The following ERC2 variants were observed in gnomAD, a reference collection of about 807,000 sequenced individuals.
ERC2 encodes the protein ELKS/RAB6-interacting/CAST family member 2.
A neutral mutation model predicts 114.8 loss-of-function variants in ERC2; 42 were observed. That is an observed-to-expected ratio of 0.37 (90% confidence interval 0.29 to 0.47). ERC2 has a LOEUF of 0.47. Among genes scored for constraint, ERC2 ranks in the 20% least tolerant of loss-of-function variants. ERC2 has a pLI of 0.99. For missense variants in ERC2, 939 were observed against 1,150.7 expected (o/e 0.82, Z 2.66); for synonymous variants, 454 against 425.5 (o/e 1.07, Z -0.82).
intron 3 of ERC2, among the ~76,000 whole-genome samples, chr3:56,203,579 G>C (rs1204016211): frequency 6.6e-6 from 1 of 152,130 alleles, no homozygotes; most frequent in Admixed American, 6.6e-5. Flanking sequence ...ATGAGGAAAA[G>C]GCACATTCTC....
chr3:56,133,515 A>C (rs376532767), intron 6 of ERC2, among the ~76,000 whole-genome samples: 11 of 152,342 alleles, frequency 7.2e-5, no homozygotes, highest in African/African-American at 2.6e-4. Flanking sequence ...CCCTCAGTCC[A>C]CTGGGACTCT....
chr3:56,232,262 C>G (rs1341734234), intron 3 of ERC2, among the ~76,000 whole-genome samples: 2 of 151,576 alleles, frequency 1.3e-5, no homozygotes, highest in African/African-American at 2.4e-5. Context: ...AGCCACCATG[C>G]CTGGCCTATA....
intron 2 of ERC2, among the ~76,000 whole-genome samples, chr3:56,310,611 CT>C (rs35255607): frequency 0.31 from 46,985 of 152,002 alleles, 7,423 homozygotes; most frequent in Admixed American, 0.33. Flanking sequence ...GTCCTTGCTA[CT>C]TTAAAGTTTT....
At chr3:56,334,369 T>C (rs2057761127) in intron 2 of ERC2, among the ~76,000 whole-genome samples, 1 of 152,224 alleles carries the variant, frequency 6.6e-6, no homozygotes, top group African/African-American at 2.4e-5. Flanking sequence ...AAGAGGTTTC[T>C]GAACCCTTGA....
intron 14 of ERC2, among the ~76,000 whole-genome samples, chr3:55,768,885 G>A (rs548597972): frequency 3.3e-5 from 5 of 152,242 alleles, no homozygotes; most frequent in African/African-American, 1.2e-4. Context: ...TGCAATAGAG[G>A]GAACAGACAT....
chr3:55,932,345 G>T (rs894941912), intron 13 of ERC2, among the ~76,000 whole-genome samples: 1 of 152,026 alleles, frequency 6.6e-6, no homozygotes, highest in Admixed American at 6.6e-5. Context: ...TTATTATTAT[G>T]ACATCTATTG....
At chr3:56,008,944 A>T (rs1467503118) in intron 9 of ERC2, among the ~76,000 whole-genome samples, 1 of 152,144 alleles carries the variant, frequency 6.6e-6, no homozygotes, top group African/African-American at 2.4e-5. Flanking sequence ...CCTTATGATA[A>T]AGTTCTTAAT....
intron 14 of ERC2, among the ~76,000 whole-genome samples, chr3:55,788,360 A>G (rs2069683253): frequency 6.6e-6 from 1 of 152,166 alleles, no homozygotes; most frequent in Admixed American, 6.5e-5. Context: ...AGTCCTGGCC[A>G]TGTGCTAGGA....
chr3:55,948,847 C>A (rs562133077), intron 13 of ERC2, among the ~76,000 whole-genome samples: 2 of 152,206 alleles, frequency 1.3e-5, no homozygotes, highest in Admixed American at 1.3e-4. Context: ...ATATAGTAAA[C>A]AAATCGTTTT....
chr3:55,741,229 T>C (rs919438357), intron 14 of ERC2, among the ~76,000 whole-genome samples: 1 of 152,186 alleles, frequency 6.6e-6, no homozygotes, highest in Non-Finnish European at 1.5e-5. Flanking sequence ...TGCTGATACA[T>C]TGGCAGAAAT....
At chr3:55,753,840 A>C (rs944469789) in intron 14 of ERC2, among the ~76,000 whole-genome samples, 1 of 152,244 alleles carries the variant, frequency 6.6e-6, no homozygotes, top group African/African-American at 2.4e-5. Flanking sequence ...ACTTGCAATT[A>C]ATATTTGTTG....
In ERC2 at chr3:55,583,415, C is replaced by T. The variant is rs996444430; in HGVS notation, c.*40-72139G>A. On this transcript the variant is annotated intron_variant, in intron 17 of 17. Coordinates refer to ENST00000288221, the MANE Select transcript of ERC2 (RefSeq NM_015576.3). ...CCTTCCTTCTTTCCTTCCTTCCTTC[C>T]TTCCTTCCTTCCTTCCTTCCTTCCT... is the stretch of plus-strand genomic sequence containing the variant. Among the ~76,000 whole-genome samples, 143 of 125,836 alleles carry T rather than the reference C, an allele frequency of 1.1e-3. 2 individuals are homozygous for T. The highest frequency in any genetic ancestry group is 3.9e-3 in the African/African-American group (126 of 32,574). The allele number at this position is 125,836 out of a possible 152,430, so 82.6% of individuals were successfully genotyped here.
intron 17 of ERC2, among the ~76,000 whole-genome samples, chr3:55,677,964 T>G (rs924367736): frequency 2.0e-5 from 3 of 152,170 alleles, no homozygotes; most frequent in African/African-American, 7.2e-5. Flanking sequence ...TCTCCAGTAC[T>G]AAGATGAAGA....
chr3:55,756,140 G>C (rs1020153551), intron 14 of ERC2, among the ~76,000 whole-genome samples: 4 of 151,894 alleles, frequency 2.6e-5, no homozygotes, highest in African/African-American at 9.7e-5. Flanking sequence ...CAGCTTGCTA[G>C]AGAAAAAAAA....
chr3:55,848,535 C>T (rs1316893977), intron 14 of ERC2, among the ~76,000 whole-genome samples: 1 of 152,198 alleles, frequency 6.6e-6, no homozygotes, highest in Non-Finnish European at 1.5e-5. Flanking sequence ...CTTGCTGGCC[C>T]ATACTGGCAC....
chr3:56,279,352 T>G (rs2054201908), intron 3 of ERC2, among the ~76,000 whole-genome samples: 2 of 152,172 alleles, frequency 1.3e-5, no homozygotes, highest in African/African-American at 4.8e-5. Context: ...ATGAGCAATA[T>G]ATGCACAAGT....
At chr3:55,822,491 G>GT (rs771202300) in intron 14 of ERC2, among the ~76,000 whole-genome samples, 2 of 151,892 alleles carry the variant, frequency 1.3e-5, no homozygotes, top group Non-Finnish European at 2.9e-5. Flanking sequence ...ATGCTTAATT[G>GT]GTTTTTTCAT....
intron 6 of ERC2, among the ~76,000 whole-genome samples, chr3:56,082,034 A>AT (rs1334584590): frequency 2.0e-5 from 3 of 152,188 alleles, no homozygotes; most frequent in Admixed American, 6.5e-5. Context: ...AAACAATGAC[A>AT]TTCAATAAGT....
intron 6 of ERC2, among the ~76,000 whole-genome samples, chr3:56,118,636 CTTTTTTT>C (rs66888697): frequency 2.3e-5 from 3 of 127,886 alleles, no homozygotes; most frequent in Admixed American, 1.6e-4. Flanking sequence ...TATTCCTTTT[CTTTTTTT>C]TTTTTTTTTT....
Sources: allele counts gnomAD v4.1 joint callset (sites outside exome capture counted in the v4.1 genomes callset), GRCh38; gene constraint gnomAD v4.1.1; transcripts MANE v1.5; gene names NCBI Gene and HGNC (gene_info 2026-07-23, HGNC 2026-07-21).